Variants in MAP2 observed in about 807,000 individuals in gnomAD.
The protein encoded by MAP2 is microtubule associated protein 2.
A neutral mutation model predicts 137.6 loss-of-function variants in MAP2; 14 were observed. The observed-to-expected ratio is 0.10, with a 90% CI of 0.07 to 0.16. The LOEUF is 0.16. Ranked by LOEUF, MAP2 falls within the 10% of genes least tolerant of loss-of-function variation. MAP2 has a pLI of 1.00. For missense variants in MAP2, 2,088 were observed against 2,191.5 expected (o/e 0.95, Z 0.94); for synonymous variants, 786 against 782.3 (o/e 1.00, Z -0.08).
intron 2 of MAP2, among the ~76,000 whole-genome samples, chr2:209,508,969 A>G (rs1321740323): frequency 6.6e-6 from 1 of 151,972 alleles, no homozygotes; most frequent in Non-Finnish European, 1.5e-5. Context: ...CCACCTACAA[A>G]ACCAAAATTA....
chr2:209,551,747 G>A (rs899848998), intron 2 of MAP2, among the ~76,000 whole-genome samples: 1 of 152,094 alleles, frequency 6.6e-6, no homozygotes. Context: ...GGGGAAACCA[G>A]AGTATAGTAT....
At chr2:209,668,499 G>A (rs1197137250) in intron 5 of MAP2, among the ~76,000 whole-genome samples, 3 of 151,906 alleles carry the variant, frequency 2.0e-5, no homozygotes, top group Middle Eastern at 3.2e-3. Flanking sequence ...TATTTTCCAT[G>A]GGGTGCATTT....
intron 13 of MAP2, among the ~76,000 whole-genome samples, chr2:209,712,407 A>G (rs1293596571): frequency 6.6e-6 from 1 of 152,172 alleles, no homozygotes; most frequent in African/African-American, 2.4e-5. Flanking sequence ...TGAAGCAAAT[A>G]TGTTTTTATC....
At chr2:209,463,897 A>G (rs1018003917) in intron 1 of MAP2, among the ~76,000 whole-genome samples, 1 of 152,228 alleles carries the variant, frequency 6.6e-6, no homozygotes, top group East Asian at 1.9e-4. Context: ...TTGTTGGTGT[A>G]GGGATTGCCT....
At chr2:209,658,420 T>C (rs993703641) in intron 5 of MAP2, among the ~76,000 whole-genome samples, 39 of 152,084 alleles carry the variant, frequency 2.6e-4, no homozygotes, top group Non-Finnish European at 5.1e-4. Context: ...AAAGTGGTGG[T>C]TCTATGTTTC....
rs545789216 is a variant in MAP2 at position 209,453,904 on chromosome 2, A to C, written c.-222+29628A>C. ...TCGTGGCTCACGCCTGTAATCCCAG[A>C]ACTTTGGGAGGCCCAGACGGGTGGA... On this transcript the variant is annotated intron_variant, in intron 1 of 15. Coordinates refer to ENST00000682079, the MANE Select transcript of MAP2 (RefSeq NM_001375505.1). Among the ~76,000 whole-genome samples, 14 of 152,098 alleles carry C rather than the reference A, an allele frequency of 9.2e-5. No individual in the cohort carries two copies. In the South Asian group the frequency reaches 2.9e-3, roughly 32 times the overall value.
chr2:209,706,130 C>T (rs1426270414), intron 12 of MAP2, among the ~76,000 whole-genome samples: 2 of 151,972 alleles, frequency 1.3e-5, no homozygotes, highest in East Asian at 1.9e-4. Flanking sequence ...ACTAGAAAGT[C>T]GACATTCAAA....
chr2:209,641,194 G>A (rs1342202109), intron 4 of MAP2, among the ~76,000 whole-genome samples: 3 of 152,032 alleles, frequency 2.0e-5, no homozygotes, highest in Non-Finnish European at 2.9e-5. Context: ...GCTTTGTAAT[G>A]TCTGCAATTC....
At position 209,653,169 on chromosome 2, in the gene MAP2, G is replaced by A. The variant is rs2094920924; in HGVS notation, c.-2G>A. On this transcript the variant is annotated 5_prime_UTR_variant, in exon 5 of 16. Coordinates refer to ENST00000682079, the MANE Select transcript of MAP2 (RefSeq NM_001375505.1). Reference sequence around the variant, plus strand: ...GCAGGAGAAATAACAAGGCATTGAAGAATGGCAGATGAACGGAAAGATGAA... The same window carrying A: ...GCAGGAGAAATAACAAGGCATTGAAAAATGGCAGATGAACGGAAAGATGAA... 1 of 1,588,102 alleles carries A rather than the reference G, an allele frequency of 6.3e-7. No individual in the cohort carries two copies. The highest frequency in any genetic ancestry group is 8.6e-7 in the Non-Finnish European group (1 of 1,168,984).
chr2:209,544,271 G>A (rs2067595645), intron 2 of MAP2, among the ~76,000 whole-genome samples: 1 of 151,914 alleles, frequency 6.6e-6, no homozygotes. Context: ...AACCTTTTTA[G>A]TTTTTGTTTT....
In MAP2 at chr2:209,680,817, A is replaced by T. The variant is rs775083562; in HGVS notation, c.444A>T (p.Thr148=). 3.1e-5 allele frequency: 50 copies of T among 1,613,522 alleles called. No individual in the cohort carries two copies. The East Asian group carries it at 1.1e-3, about 36-fold the overall frequency. Reference sequence around the variant, plus strand: ...CACCTGCCTCAGAACAGACTGTCACAGTGGAGGAAGGTAAGGCCTATTGGA... The same window carrying T: ...CACCTGCCTCAGAACAGACTGTCACTGTGGAGGAAGGTAAGGCCTATTGGA... ...PPSPASEQTV[T]VEEDLLTASK... is the part of the protein sequence containing the mutation. Residue 148 remains threonine, a synonymous_variant, in exon 7 of 16, where the codon ACA becomes ACT. Transcript: ENST00000682079.
chr2:209,547,321 A>G (rs1434138198), intron 2 of MAP2, among the ~76,000 whole-genome samples: 1 of 131,774 alleles, frequency 7.6e-6, no homozygotes, highest in African/African-American at 4.2e-5. Flanking sequence ...ATTCACCTGA[A>G]TTCTTTTTTT....
rs2064890461 is a variant in MAP2, at chr2:209,709,927, T to C, written c.4746T>C (p.Ile1582=). The C allele has an allele frequency of 6.2e-7, 1 of 1,613,136 alleles. No individual in the cohort carries two copies. The change falls in exon 13 of 16, where the codon ATT becomes ATC. Residue 1582 remains isoleucine (I), a synonymous_variant. Coordinates refer to ENST00000682079, the MANE Select transcript of MAP2 (RefSeq NM_001375505.1). ...TTGTTAATACAGGGTCAGAGCCAAT[T>C]CGCAGAGCAGGGAAGAGTGGTACCT... ...SARRTTRSEP[I]RRAGKSGTST...
chr2:209,656,697 A>C (rs1378425705), intron 5 of MAP2, among the ~76,000 whole-genome samples: 2 of 152,152 alleles, frequency 1.3e-5, no homozygotes, highest in Non-Finnish European at 2.9e-5. Context: ...GAAACTATTA[A>C]GCATCTAGCC....
chr2:209,608,917 G>T (rs1368395274), intron 3 of MAP2, among the ~76,000 whole-genome samples: 1 of 151,784 alleles, frequency 6.6e-6, no homozygotes, highest in African/African-American at 2.4e-5. Context: ...CAAATTATGT[G>T]TAACTTTACA....
At chr2:209,678,717 T>C (rs1299595381) in intron 6 of MAP2, 32 bp downstream of exon 6, 7 of 1,317,308 alleles carry the variant, frequency 5.3e-6, no homozygotes, top group Non-Finnish European at 7.5e-6. Context: ...TCAGGGACTG[T>C]GTCTGTTGCA....
In MAP2 at chr2:209,695,310, A is replaced by T; in HGVS notation, c.3140A>T (p.Asp1047Val). ...GATTTTGCTGTCCAGGGTCAACTAG[A>T]TGTTAAAATTAGTGACTTTGGACAG... is the stretch of plus-strand genomic sequence containing the variant. The part of the protein sequence containing the change: ...GLDFAVQGQL[D>V]VKISDFGQMA... Residue 1047 changes from aspartate to valine, a missense_variant, in exon 8 of 16, where the codon GAT becomes GTT. This residue lies in a region of MAP2 where 500 missense variants were observed against 482.9 expected (regional missense o/e 1.04). Coordinates refer to ENST00000682079, the MANE Select transcript of MAP2 (RefSeq NM_001375505.1). 3 of 1,614,060 alleles carry T rather than the reference A, an allele frequency of 1.9e-6. No homozygotes were observed. Among genetic ancestry groups the T allele is most frequent in the Non-Finnish European group, 2.5e-6 (3 of 1,179,992 alleles).
intron 1 of MAP2, among the ~76,000 whole-genome samples, chr2:209,481,718 A>G (rs1407160996): frequency 1.3e-5 from 2 of 152,236 alleles, no homozygotes; most frequent in Non-Finnish European, 2.9e-5. Context: ...TCACTTAACT[A>G]TGAAGCCAGC....
At chr2:209,572,595 C>G (rs778271042) in intron 2 of MAP2, among the ~76,000 whole-genome samples, 10 of 152,036 alleles carry the variant, frequency 6.6e-5, no homozygotes, top group Non-Finnish European at 1.3e-4. Context: ...AAATAGACAA[C>G]AAGCTAACAA....
Sources: gnomAD v4.1 joint callset for allele counts (sites outside exome capture counted in the v4.1 genomes callset) on GRCh38, gnomAD v4.1.1 for gene constraint, gnomAD v4.1.1 regional missense constraint, MANE v1.5 for transcripts, NCBI Gene and HGNC (gene_info 2026-07-23, HGNC 2026-07-21) for gene names.